MOB1B: variants seen among roughly 807,000 people sequenced by gnomAD.
MOB1B encodes MOB kinase activator 1B.
Under a neutral mutation model 24.4 loss-of-function variants are expected in MOB1B, and 19 were observed. The ratio of observed to expected loss-of-function variants is 0.78; its 90% CI spans 0.54 to 1.14. The LOEUF (loss-of-function observed/expected upper bound fraction) is 1.14, where lower values mean the gene tolerates loss of function less well. Among genes scored for constraint, MOB1B ranks in the 50% most tolerant of loss-of-function variants. The pLI, the probability that MOB1B is intolerant of heterozygous loss-of-function variation, is 0.00. For missense variants in MOB1B, 243 were observed against 259.6 expected, an observed-to-expected ratio of 0.94 and a Z score of 0.44; for synonymous variants, 76 against 82.1, an observed-to-expected ratio of 0.93 and a Z score of 0.40.
rs1045452397 is a variant in MOB1B at position 70,940,858 on chromosome 4, TAG to T, written c.15-18012_15-18011del. Among the ~76,000 whole-genome samples, 55 of 152,108 alleles carry T rather than the reference TAG, an allele frequency of 3.6e-4. No individual in the cohort carries two copies. In the South Asian group the frequency reaches 4.8e-3, roughly 13 times the overall value. ...CGCCCGGCTAATTTTGTATTTTTAGTAGAGACAGGGTTTCTCCATGTTGAGGC... is the reference window on the plus strand; with the variant it reads ...CGCCCGGCTAATTTTGTATTTTTAGTAGACAGGGTTTCTCCATGTTGAGGC... On this transcript the variant is annotated intron_variant, in intron 1 of 5. Coordinates refer to ENST00000309395, the MANE Select transcript of MOB1B (RefSeq NM_173468.4).
chr4:70,909,050 CAAA>C (rs746664159), intron 1 of MOB1B, among the ~76,000 whole-genome samples: 5 of 85,724 alleles, frequency 5.8e-5, no homozygotes, highest in Admixed American at 1.4e-4. Context: ...GACTCCATCT[CAAA>C]AAAAAAAAAA....
chr4:70,966,431 A>G (rs1312211275), intron 2 of MOB1B, among the ~76,000 whole-genome samples: 4 of 151,066 alleles, frequency 2.6e-5, no homozygotes, highest in African/African-American at 7.3e-5. Context: ...CTGGAGTGCA[A>G]TGGCATGATC....
chr4:70,944,046 T>C (rs1370077987), intron 1 of MOB1B, among the ~76,000 whole-genome samples: 1 of 152,174 alleles, frequency 6.6e-6, no homozygotes, highest in African/African-American at 2.4e-5. Flanking sequence ...CTGCTAGATA[T>C]CTGTAATACT....
intron 1 of MOB1B, among the ~76,000 whole-genome samples, chr4:70,915,127 C>T (rs1033025153): frequency 6.6e-6 from 1 of 152,100 alleles, no homozygotes; most frequent in Non-Finnish European, 1.5e-5. Context: ...TTTTTATAAA[C>T]CACTTAGGAT....
Position 70,902,602 on chromosome 4 carries a change from C to CCCGCCTG in MOB1B, c.14+57_14+58insTGCCGCC, listed in dbSNP as rs1560622793. 3 of 1,498,896 alleles carry CCCGCCTG rather than the reference C, an allele frequency of 2.0e-6. No individual in the cohort carries two copies. The African/African-American group carries it at 4.4e-5, about 22-fold the overall frequency. 92.8% of individuals were successfully genotyped at this position (1,498,896 alleles called of 1,614,324 possible). On this transcript the variant is annotated intron_variant, in intron 1 of 5. Coordinates refer to ENST00000309395, the MANE Select transcript of MOB1B (RefSeq NM_173468.4). ...GGCTTTGTTCGGGTGGACCTGGGCCCCCGCCCGCCGCCCGCCGCCCGTCGC... is the reference window on the plus strand; with the variant it reads ...GGCTTTGTTCGGGTGGACCTGGGCCCCCGCCTGCCGCCCGCCGCCCGCCGCCCGTCGC...
At chr4:70,966,374 C>CT (rs777364803) in intron 2 of MOB1B, among the ~76,000 whole-genome samples, 2,617 of 137,998 alleles carry the variant, frequency 0.019, 60 homozygotes, top group African/African-American at 0.059. Context: ...GTGAGTCCCA[C>CT]TTTTTTTTTT....
chr4:70,937,464 G>A (rs904560229), intron 1 of MOB1B, among the ~76,000 whole-genome samples: 2 of 151,482 alleles, frequency 1.3e-5, no homozygotes, highest in Admixed American at 1.3e-4. Context: ...CTATATCTTG[G>A]ATATTAGGCT....
At chr4:70,941,490 C>T (rs368613594) in intron 1 of MOB1B, among the ~76,000 whole-genome samples, 1 of 151,994 alleles carries the variant, frequency 6.6e-6, no homozygotes, top group Non-Finnish European at 1.5e-5. Context: ...TATAGGTGCC[C>T]GTTACCACGC....
intron 1 of MOB1B, among the ~76,000 whole-genome samples, chr4:70,954,814 G>T (rs1227628902): frequency 6.6e-6 from 1 of 150,512 alleles, no homozygotes; most frequent in Non-Finnish European, 1.5e-5. Context: ...GCAGTGGTGC[G>T]ATCTGGGCAT....
At chr4:70,928,378 C>T (rs1264308752) in intron 1 of MOB1B, among the ~76,000 whole-genome samples, 2 of 148,644 alleles carry the variant, frequency 1.3e-5, no homozygotes, top group African/African-American at 2.5e-5. Context: ...CCACTGCACC[C>T]TCTGCCTCCC....
chr4:70,917,209 C>T (rs914294557), intron 1 of MOB1B, among the ~76,000 whole-genome samples: 1 of 152,124 alleles, frequency 6.6e-6, no homozygotes, highest in Non-Finnish European at 1.5e-5. Flanking sequence ...GATTATGAGG[C>T]AACGTATGTA....
In MOB1B at chr4:70,979,267, C is replaced by T. The variant is rs1267478332; in HGVS notation, c.549C>T (p.Phe183=). ...LQEEAHLNTS[F]KHFIFFVQEF... ...AGGAAGCACATCTAAATACATCTTT[C>T]AAGCACTTTATTTTTTTTGTCCAGG... The change falls in exon 5 of 6, where the codon TTC becomes TTT. Residue 183 remains phenylalanine, a synonymous_variant. Transcript: ENST00000309395. The T allele has an allele frequency of 2.5e-6, 4 of 1,613,404 alleles. No homozygotes were observed. Among genetic ancestry groups the T allele is most frequent in the South Asian group, 2.2e-5 (2 of 91,036 alleles).
At chr4:70,910,455 G>A (rs1425236261) in intron 1 of MOB1B, among the ~76,000 whole-genome samples, 3 of 151,402 alleles carry the variant, frequency 2.0e-5, no homozygotes, top group Non-Finnish European at 4.4e-5. Context: ...GTATATATGT[G>A]TGTATGTATA....
At chr4:70,959,100 T>G in intron 2 of MOB1B, 60 bp downstream of exon 2, 1 of 1,400,362 alleles carries the variant, frequency 7.1e-7, no homozygotes, top group Non-Finnish European at 1.0e-6. Context: ...TCATTGTTGG[T>G]GAGTGTTGGT....
At chr4:70,936,738 G>GT (rs1402459333) in intron 1 of MOB1B, among the ~76,000 whole-genome samples, 2 of 152,102 alleles carry the variant, frequency 1.3e-5, no homozygotes, top group African/African-American at 4.8e-5. Context: ...TCTAGAAGCA[G>GT]TAAGAGGAAT....
intron 1 of MOB1B, among the ~76,000 whole-genome samples, chr4:70,929,200 T>G (rs1038630662): frequency 2.1e-5 from 2 of 96,878 alleles, no homozygotes; most frequent in Non-Finnish European, 4.5e-5. Flanking sequence ...TTTTTTTTTT[T>G]GAGACAATCT....
intron 1 of MOB1B, among the ~76,000 whole-genome samples, chr4:70,922,550 T>A (rs1261669545): frequency 6.6e-6 from 1 of 152,204 alleles, no homozygotes; most frequent in Non-Finnish European, 1.5e-5. Context: ...AGCAATCAGA[T>A]GTGCATTTAT....
At chr4:70,930,002 G>A (rs559474396) in intron 1 of MOB1B, among the ~76,000 whole-genome samples, 5 of 152,080 alleles carry the variant, frequency 3.3e-5, no homozygotes, top group South Asian at 2.1e-4. Flanking sequence ...CAATTCACCC[G>A]TCTCAGCCTC....
chr4:70,925,312 C>T (rs993862792), intron 1 of MOB1B, among the ~76,000 whole-genome samples: 6 of 152,184 alleles, frequency 3.9e-5, no homozygotes, highest in East Asian at 1.9e-4. Flanking sequence ...GCTGGGATTA[C>T]GGGCATGAGC....
Sources: gnomAD v4.1 joint callset for allele counts (sites outside exome capture counted in the v4.1 genomes callset) on GRCh38, gnomAD v4.1.1 for gene constraint, MANE v1.5 for transcripts, NCBI Gene and HGNC (gene_info 2026-07-23, HGNC 2026-07-21) for gene names.